The following GALNT10 variants were observed in gnomAD, a reference collection of about 807,000 sequenced individuals.
GALNT10 encodes the protein GalNAc transferase 10.
A neutral mutation model predicts 75.0 loss-of-function variants in GALNT10; 41 were observed. The ratio of observed to expected loss-of-function variants is 0.55; its 90% confidence interval spans 0.43 to 0.71. The LOEUF (loss-of-function observed/expected upper bound fraction) is 0.71. GALNT10 is among the 30% of genes least tolerant of loss of function. The pLI is 0.00. For missense variants in GALNT10, 727 were observed against 818.5 expected (o/e 0.89, Z 1.36); for synonymous variants, 302 against 313.0 (o/e 0.96, Z 0.37).
chr5:154,357,871 AC>A (rs1755320546), intron 4 of GALNT10, among the ~76,000 whole-genome samples: 1 of 152,032 alleles, frequency 6.6e-6, no homozygotes, highest in Non-Finnish European at 1.5e-5. Flanking sequence ...CATTTGACTT[AC>A]CCAAGGCTCA....
rs1774850845 is a variant in GALNT10, at chr5:154,191,010, G to A, written c.144G>A (p.Ala48=). The change falls in exon 1 of 12, where the codon GCG becomes GCA. Residue 48 remains alanine (A), a synonymous_variant. Coordinates refer to ENST00000297107, the MANE Select transcript of GALNT10 (RefSeq NM_198321.4). ...CTGGGGGATCGGGGGCGGCGGTGGC[G>A]CCGGCGGCGGGACAGGTGAGTCCCC... ...GTPGGSGAAV[A]PAAGQGSHSR... is the part of the protein sequence containing the mutation. The A allele has an allele frequency of 1.4e-6, 2 of 1,468,406 alleles. No individual in the cohort carries two copies. Among genetic ancestry groups the A allele is most frequent in the Non-Finnish European group, 9.0e-7 (1 of 1,106,382 alleles). The allele number at this position is 1,468,406 out of a possible 1,614,324, so 91.0% of individuals were successfully genotyped here. A position where few individuals can be genotyped will look rare whatever the true frequency, so the allele number is the denominator to read the frequency against.
intron 1 of GALNT10, among the ~76,000 whole-genome samples, chr5:154,197,999 G>A (rs1774971410): frequency 6.6e-6 from 1 of 152,174 alleles, no homozygotes; most frequent in Admixed American, 6.5e-5. Context: ...CTTCCTGCAA[G>A]CCTGGACATC....
At chr5:154,228,900 A>T (rs557482317) in intron 1 of GALNT10, among the ~76,000 whole-genome samples, 1 of 152,240 alleles carries the variant, frequency 6.6e-6, no homozygotes, top group South Asian at 2.1e-4. Context: ...TTGGTTTCTG[A>T]TTATTTCTTA....
chr5:154,321,558 A>G (rs1754674392), intron 3 of GALNT10, among the ~76,000 whole-genome samples: 1 of 152,050 alleles, frequency 6.6e-6, no homozygotes, highest in African/African-American at 2.4e-5. Context: ...TCATGAGCTC[A>G]AGTGATCCTC....
At position 154,193,006 on chromosome 5, in the gene GALNT10, GGA is replaced by G. The variant is rs1375814104; in HGVS notation, c.159+1989_159+1990del. The stretch of plus-strand genomic sequence containing the variant: ...TAGAGTAAGGCAGACTTTTGGGCAG[GGA>G]GAGAGAGGGGAGCAACAGCTGGGTG... On this transcript the variant is annotated intron_variant, in intron 1 of 11. Coordinates refer to ENST00000297107, the MANE Select transcript of GALNT10 (RefSeq NM_198321.4). 1.1e-4 allele frequency among the ~76,000 whole-genome samples: 17 copies of G among 152,088 alleles called. 1 individual carries two copies. Among genetic ancestry groups the G allele is most frequent in the Admixed American group, 6.5e-5 (1 of 15,274 alleles).
intron 7 of GALNT10, among the ~76,000 whole-genome samples, chr5:154,397,568 A>G (rs1243230797): frequency 6.6e-6 from 1 of 152,196 alleles, no homozygotes; most frequent in South Asian, 2.1e-4. Flanking sequence ...TGGGACCTCA[A>G]TTCTAATTCC....
At chr5:154,400,200 T>C (rs939633945) in intron 7 of GALNT10, among the ~76,000 whole-genome samples, 3 of 152,018 alleles carry the variant, frequency 2.0e-5, no homozygotes, top group African/African-American at 7.2e-5. Context: ...AGAAAAGCCA[T>C]GGCGGGGGCG....
intron 3 of GALNT10, among the ~76,000 whole-genome samples, chr5:154,304,066 GA>G (rs956924905): frequency 2.6e-5 from 4 of 151,648 alleles, no homozygotes; most frequent in African/African-American, 9.7e-5. Context: ...GATATTGCTG[GA>G]AAAAAAAGAT....
intron 3 of GALNT10, among the ~76,000 whole-genome samples, chr5:154,320,851 A>G (rs1754661907): frequency 1.3e-5 from 2 of 152,224 alleles, no homozygotes; most frequent in Admixed American, 6.5e-5. Flanking sequence ...GAACTGGACT[A>G]CTGGAATCAG....
Position 154,409,759 on chromosome 5 carries a change from G to A in GALNT10, c.1383G>A (p.Gly461=), listed in dbSNP as rs201277100. Residue 461 remains glycine (G), a synonymous_variant, in exon 9 of 12, where the codon GGG becomes GGA. Coordinates refer to ENST00000297107, the MANE Select transcript of GALNT10 (RefSeq NM_198321.4). The surrounding 1 kb of genome is among the most constrained non-coding windows in gnomAD (Gnocchi z 4.5). ...TGGAGCCCCCGGCTGCAGCTTGGGG[G>A]GAGGTGAGTCTGGAGGGCAGGGCTG... ...PPVEPPAAAW[G]EIRNVGTGLC... The A allele has an allele frequency of 6.2e-7, 1 of 1,608,338 alleles. No homozygotes were observed. Among genetic ancestry groups the A allele is most frequent in the Non-Finnish European group, 8.5e-7 (1 of 1,174,836 alleles).
chr5:154,275,606 A>G (rs1753938044), intron 1 of GALNT10, among the ~76,000 whole-genome samples: 1 of 152,210 alleles, frequency 6.6e-6, no homozygotes, highest in African/African-American at 2.4e-5. Flanking sequence ...TCTGCTGCAC[A>G]CAGCGCCTGC....
chr5:154,333,224 A>T (rs1271760870), intron 4 of GALNT10, among the ~76,000 whole-genome samples: 3 of 152,154 alleles, frequency 2.0e-5, no homozygotes, highest in Non-Finnish European at 4.4e-5. Context: ...CATTTTACAG[A>T]TGGGAAGCCC....
chr5:154,212,441 T>C (rs1752779700), intron 1 of GALNT10, among the ~76,000 whole-genome samples: 1 of 152,238 alleles, frequency 6.6e-6, no homozygotes, highest in South Asian at 2.1e-4. Flanking sequence ...AGTGGGACCA[T>C]ACTGATGCTA....
intron 1 of GALNT10, among the ~76,000 whole-genome samples, chr5:154,289,471 T>G (rs1035766283): frequency 6.6e-6 from 1 of 152,214 alleles, no homozygotes; most frequent in African/African-American, 2.4e-5. Context: ...CCTAGGAAAG[T>G]GCAGTGGTGT....
rs528695432 is a variant in GALNT10, at chr5:154,350,760, C to T, written c.568+21022C>T. On this transcript the variant is annotated intron_variant, in intron 4 of 11. Transcript: ENST00000297107. The stretch of plus-strand genomic sequence containing the variant: ...TTGTGAGCCTGTGCAAGCTCGCTCC[C>T]GCACACCGCTAGCAAATAGTCTAAG... Among the ~76,000 whole-genome samples, 4 of 152,242 alleles carry T rather than the reference C, an allele frequency of 2.6e-5. No individual in the cohort carries two copies. In the South Asian group the frequency reaches 6.2e-4, roughly 24 times the overall value.
At chr5:154,395,795 G>C (rs142128157) in intron 7 of GALNT10, among the ~76,000 whole-genome samples, 1 of 152,188 alleles carries the variant, frequency 6.6e-6, no homozygotes, top group African/African-American at 2.4e-5. Flanking sequence ...ATTCCAGTAC[G>C]CGGTGGCTCC....
chr5:154,292,755 A>ACC (rs1269208509), intron 1 of GALNT10, among the ~76,000 whole-genome samples: 1 of 152,096 alleles, frequency 6.6e-6, no homozygotes, highest in African/African-American at 2.4e-5. Context: ...CCCACATGGA[A>ACC]CCCCAGTACA....
chr5:154,219,385 C>T (rs568779607), intron 1 of GALNT10: 7 of 152,894 alleles, frequency 4.6e-5, no homozygotes, highest in Admixed American at 3.9e-4. Context: ...TCATCCATGT[C>T]CTTGGTGGCC....
chr5:154,283,745 C>T (rs887423612), intron 1 of GALNT10, among the ~76,000 whole-genome samples: 1 of 152,198 alleles, frequency 6.6e-6, no homozygotes, highest in African/African-American at 2.4e-5. Flanking sequence ...ACCCCTCTCC[C>T]CCTCTTGGGG....
Sources: gnomAD v4.1 joint callset for allele counts (sites outside exome capture counted in the v4.1 genomes callset) on GRCh38, gnomAD v4.1.1 for gene constraint, Gnocchi (gnomAD v3.1) non-coding constraint, MANE v1.5 for transcripts, NCBI Gene and HGNC (gene_info 2026-07-23, HGNC 2026-07-21) for gene names.